The following C12orf42 variants were observed in gnomAD, a reference collection of about 807,000 sequenced individuals.
C12orf42 encodes the protein uncharacterized protein C12orf42.
Under a neutral mutation model 21.6 loss-of-function variants are expected in C12orf42, and 25 were observed. The observed-to-expected ratio is 1.16, with a 90% confidence interval of 0.84 to 1.62. C12orf42 has a LOEUF of 1.62. Ranked by LOEUF, C12orf42 falls within the 40% of genes most tolerant of loss-of-function variation. The pLI, the probability that C12orf42 is intolerant of heterozygous loss-of-function variation, is 0.00. For synonymous variants in C12orf42, 174 were observed against 175.0 expected (o/e 0.99, Z 0.05); for missense variants, 483 against 459.3 (o/e 1.05, Z -0.47).
At chr12:103,490,356 T>C (rs7307779) in intron 1 of C12orf42, among the ~76,000 whole-genome samples, 127,565 of 152,172 alleles carry the variant, frequency 0.84, 53,526 homozygotes, top group Admixed American at 0.89. Flanking sequence ...TTTGGAGAGT[T>C]ATATAGGATA....
rs144373289 is a variant in C12orf42, at chr12:103,386,726, T to C, written c.147+14881A>G. Among the ~76,000 whole-genome samples, 517 of 152,316 alleles carry C rather than the reference T, an allele frequency of 3.4e-3. 2 individuals carry two copies. Among genetic ancestry groups the C allele is most frequent in the Admixed American group, 5.7e-3 (87 of 15,304 alleles). On this transcript the variant is annotated intron_variant, in intron 3 of 5. Transcript: ENST00000548883. The stretch of plus-strand genomic sequence containing the variant: ...CTGCAATTGCACTCCCTTTCCCCAG[T>C]TGCTTTTGGTGCAGCTAGCTTTGAA...
At chr12:103,079,481 G>C in the C12orf42 span, among the ~76,000 whole-genome samples, 1 of 152,166 alleles carries the variant, frequency 6.6e-6, no homozygotes, top group African/African-American at 2.4e-5. Flanking sequence ...TAATTAGAAG[G>C]TTTGTGTATG....
intron 2 of C12orf42, among the ~76,000 whole-genome samples, chr12:103,402,245 A>C (rs2048066097): frequency 1.3e-5 from 2 of 152,250 alleles, no homozygotes; most frequent in South Asian, 4.1e-4. Flanking sequence ...AGGTATACTC[A>C]GGGAGGTCAG....
Position 103,277,097 on chromosome 12 carries a change from T to C in C12orf42, n.398+53A>G, listed in dbSNP as rs140793804. 4 of 454,694 alleles carry C rather than the reference T, an allele frequency of 8.8e-6. No homozygotes were observed. In the East Asian group the frequency reaches 2.8e-4, roughly 32 times the overall value. The allele number at this position is 454,694 out of a possible 1,614,324, so 28.2% of individuals were successfully genotyped here. A position where few individuals can be genotyped will look rare whatever the true frequency, so the allele number is the denominator to read the frequency against. On this transcript the variant is annotated intron_variant and non_coding_transcript_variant, in intron 5 of 6. Transcript: ENST00000546526. ...TTTGGGAAGATTGCTGGATACAAAA[T>C]CAAACAAAATTCAACAACTTACGCT... is the stretch of plus-strand genomic sequence containing the variant.
the C12orf42 span, among the ~76,000 whole-genome samples, chr12:103,198,184 G>T: frequency 6.6e-6 from 1 of 152,166 alleles, no homozygotes; most frequent in African/African-American, 2.4e-5. Flanking sequence ...AACACAGTAG[G>T]GGATGGCCGT....
chr12:103,396,676 T>G (rs1335635368), intron 3 of C12orf42: 2 of 152,148 alleles, frequency 1.3e-5, no homozygotes, highest in Admixed American at 1.3e-4. Flanking sequence ...GGTCTACTGG[T>G]TTTGAGGCAA....
At chr12:103,550,885 C>A in the C12orf42 span, among the ~76,000 whole-genome samples, 5 of 151,960 alleles carry the variant, frequency 3.3e-5, no homozygotes, top group Non-Finnish European at 7.4e-5. Flanking sequence ...CTTGTTATAT[C>A]TGTTGCAAGC....
chr12:103,559,279 C>T, the C12orf42 span: 1 of 120,534 alleles, frequency 8.3e-6, no homozygotes, highest in Non-Finnish European at 2.0e-5. Context: ...AGGGGAGATT[C>T]CTAGTTGGTA....
At chr12:103,551,270 A>T in the C12orf42 span, among the ~76,000 whole-genome samples, 1 of 152,164 alleles carries the variant, frequency 6.6e-6, no homozygotes, top group Non-Finnish European at 1.5e-5. Flanking sequence ...TATATTTTAT[A>T]TCTAAGCAGG....
the C12orf42 span, among the ~76,000 whole-genome samples, chr12:103,182,758 T>C: frequency 6.6e-6 from 1 of 152,220 alleles, no homozygotes; most frequent in African/African-American, 2.4e-5. Flanking sequence ...CCTCAAAATA[T>C]GTCAAGCAAA....
the C12orf42 span, among the ~76,000 whole-genome samples, chr12:103,112,060 C>T: frequency 6.6e-6 from 1 of 152,178 alleles, no homozygotes; most frequent in Non-Finnish European, 1.5e-5. Flanking sequence ...TTACTCAAAA[C>T]ATCTCTTTAT....
rs79029388 is a variant in C12orf42, at chr12:103,319,196, T to G, written c.260-12851A>C. Among the ~76,000 whole-genome samples the G allele has an allele frequency of 1.8e-3, 269 of 152,330 alleles. 4 individuals carry two copies. In the East Asian group the frequency reaches 0.046, roughly 26 times the overall value. On this transcript the variant is annotated intron_variant, in intron 4 of 5. Coordinates refer to ENST00000548883, the MANE Select transcript of C12orf42 (RefSeq NM_198521.5). ...AATCACATCATTCAAAAGCACATAT[T>G]CAGGAAACCAACCCTTCACTGTGTT...
At chr12:103,442,046 A>G (rs1951280035) in intron 2 of C12orf42, among the ~76,000 whole-genome samples, 2 of 152,110 alleles carry the variant, frequency 1.3e-5, no homozygotes, top group South Asian at 4.1e-4. Context: ...CAGGAGGCTG[A>G]AGTGGGAGGA....
chr12:103,180,615 CTTTTTTTTTTTTTT>C, the C12orf42 span, among the ~76,000 whole-genome samples: 11 of 61,964 alleles, frequency 1.8e-4, no homozygotes, highest in Non-Finnish European at 3.2e-4. Context: ...AAATAATTTC[CTTTTTTTTTTTTTT>C]TTTTTTTTTT....
intron 4 of C12orf42, among the ~76,000 whole-genome samples, chr12:103,280,940 A>G (rs909666498): frequency 7.2e-5 from 11 of 152,210 alleles, no homozygotes; most frequent in South Asian, 2.1e-4. Flanking sequence ...ATGCTGAACT[A>G]TCTTCTACAT....
intron 2 of C12orf42, among the ~76,000 whole-genome samples, chr12:103,453,245 CTTATA>C (rs1952069022): frequency 6.6e-6 from 1 of 150,972 alleles, no homozygotes; most frequent in Non-Finnish European, 1.5e-5. Context: ...TATTATTTAT[CTTATA>C]TAAAGGTTTA....
chr12:103,191,080 C>G, the C12orf42 span, among the ~76,000 whole-genome samples: 1 of 152,078 alleles, frequency 6.6e-6, no homozygotes, highest in African/African-American at 2.4e-5. Context: ...AGAAAACTTG[C>G]AGGACAGAAA....
chr12:103,127,238 G>T, the C12orf42 span, among the ~76,000 whole-genome samples: 1 of 152,234 alleles, frequency 6.6e-6, no homozygotes, highest in East Asian at 1.9e-4. Context: ...TTTTGCATAA[G>T]AATACTAATT....
chr12:103,448,872 A>G (rs1045035555), intron 2 of C12orf42, among the ~76,000 whole-genome samples: 6 of 151,944 alleles, frequency 3.9e-5, no homozygotes, highest in Admixed American at 2.6e-4. Flanking sequence ...ACCACAGTAT[A>G]CAACACAGTG....
Sources: allele counts gnomAD v4.1 joint callset (sites outside exome capture counted in the v4.1 genomes callset), GRCh38; gene constraint gnomAD v4.1.1; transcripts MANE v1.5; gene names NCBI Gene and HGNC (gene_info 2026-07-23, HGNC 2026-07-21).